The following LDB3 variants were observed in gnomAD, a reference collection of about 807,000 sequenced individuals.
LDB3 encodes the protein LIM domain binding 3, also known as LIM domain-binding protein 3.
A neutral mutation model predicts 69.0 loss-of-function variants in LDB3; 49 were observed. The ratio of observed to expected loss-of-function variants is 0.71; its 90% CI spans 0.56 to 0.90. LDB3 has a LOEUF of 0.90. LDB3 is among the 40% of genes least tolerant of loss of function. LDB3 has a pLI of 0.00. For synonymous variants in LDB3, 387 were observed against 396.2 expected, an observed-to-expected ratio of 0.98 and a Z score of 0.28; for missense variants, 928 against 974.1, an observed-to-expected ratio of 0.95 and a Z score of 0.63.
intron 10 of LDB3, 30 bp from the exon 11 acceptor site, chr10:86,717,934 C>T: frequency 1.9e-6 from 3 of 1,611,314 alleles, no homozygotes; most frequent in South Asian, 1.1e-5. Context: ...TGGGAGCTGC[C>T]TTACTGGGTG....
chr10:86,691,962 C>T lies in LDB3; in HGVS notation c.756C>T (p.Ser252=). Residue 252 remains serine, a synonymous_variant, in exon 6 of 14, where the codon AGC becomes AGT. Coordinates refer to ENST00000361373, the MANE Select transcript of LDB3 (RefSeq NM_007078.3). ...ASPVYQAVIK[S]QNKPEDEADE... ...CCGTCTACCAGGCTGTGATTAAGAGCCAGAACAAGCCAGAAGATGAGGCTG... is the reference window on the plus strand; with the variant it reads ...CCGTCTACCAGGCTGTGATTAAGAGTCAGAACAAGCCAGAAGATGAGGCTG... 1 of 1,614,164 alleles carries T rather than the reference C, an allele frequency of 6.2e-7. No homozygotes were observed. The highest frequency in any genetic ancestry group is 8.5e-7 in the Non-Finnish European group (1 of 1,180,038).
At chr10:86,674,319 G>A (rs11812963) in intron 2 of LDB3, among the ~76,000 whole-genome samples, 2,129 of 152,262 alleles carry the variant, frequency 0.014, 49 homozygotes, top group African/African-American at 0.049. Flanking sequence ...GGCTGGCACC[G>A]AAGTCAGGGG....
At chr10:86,711,005 T>G (rs1846631429) in intron 9 of LDB3, among the ~76,000 whole-genome samples, 1 of 152,148 alleles carries the variant, frequency 6.6e-6, no homozygotes, top group Non-Finnish European at 1.5e-5. Flanking sequence ...GGGGCAAGGA[T>G]AGACGGTTCT....
At chr10:86,710,402 C>A in intron 9 of LDB3, 1 of 281,796 alleles carries the variant, frequency 3.5e-6, no homozygotes, top group South Asian at 1.4e-4. Flanking sequence ...CCGCCGGGGC[C>A]AACATGGCGA....
chr10:86,682,326 CTT>C (rs1220975675), intron 5 of LDB3, among the ~76,000 whole-genome samples: 1 of 151,824 alleles, frequency 6.6e-6, no homozygotes, highest in Non-Finnish European at 1.5e-5. Flanking sequence ...TGGAGAGACT[CTT>C]TGGCAGTGGC....
intron 13 of LDB3, 43 bp from the exon 14 acceptor site, chr10:86,732,844 C>T (rs2132517727): frequency 6.7e-7 from 1 of 1,499,978 alleles, no homozygotes; most frequent in Non-Finnish European, 9.3e-7. Context: ...CTGCTCATGC[C>T]CTGTGCCACG....
At position 86,716,408 on chromosome 10, in the gene LDB3, C is replaced by T; in HGVS notation, c.1313C>T (p.Thr438Ile). The change falls in exon 10 of 14, where the codon ACC becomes ATC. Residue 438 changes from threonine (T) to isoleucine (I), a missense_variant. Coordinates refer to ENST00000361373, the MANE Select transcript of LDB3 (RefSeq NM_007078.3). The part of the protein sequence containing the change: ...PYTPSPAPAY[T>I]PSPAPAYTPS... ...ACCCCCTCCCCTGCCCCTGCCTACA[C>T]CCCCTCCCCTGCCCCTGCCTACACC... The T allele has an allele frequency of 6.5e-7, 1 of 1,539,582 alleles. No individual in the cohort carries two copies. Among genetic ancestry groups the T allele is most frequent in the Non-Finnish European group, 8.8e-7 (1 of 1,140,754 alleles).
chr10:86,678,338 C>A (rs1295237209), intron 2 of LDB3, among the ~76,000 whole-genome samples: 1 of 137,782 alleles, frequency 7.3e-6, no homozygotes, highest in Non-Finnish European at 1.5e-5. Flanking sequence ...CACCTGGCCA[C>A]CCTTTTTTTT....
At chr10:86,724,784 AT>A (rs1409531038) in intron 12 of LDB3, among the ~76,000 whole-genome samples, 1 of 152,158 alleles carries the variant, frequency 6.6e-6, no homozygotes, top group Non-Finnish European at 1.5e-5. Context: ...AAGAGCCAAC[AT>A]TTTTGAGTGT....
At chr10:86,669,129 C>T (rs1844320743) in intron 2 of LDB3, among the ~76,000 whole-genome samples, 1 of 152,128 alleles carries the variant, frequency 6.6e-6, no homozygotes, top group Admixed American at 6.5e-5. Flanking sequence ...CAGGGTGCCC[C>T]CAAGCCTTGA....
Position 86,681,695 on chromosome 10 carries a change from A to AATATAACAACCCCATTGGCCTG in LDB3, c.582_603dup (p.Tyr202IlefsTer2). ...CTGCCGGGCTCGAGCCAGCCGAGGC[A>AATATAACAACCCCATTGGCCTG]ATATAACAACCCCATTGGCCTGTAC... On this transcript the variant is annotated frameshift_variant, in exon 5 of 14. Transcript: ENST00000361373. LOFTEE classifies it high-confidence loss of function. The AATATAACAACCCCATTGGCCTG allele has an allele frequency of 6.2e-7, 1 of 1,613,658 alleles. No individual in the cohort carries two copies. Among genetic ancestry groups the AATATAACAACCCCATTGGCCTG allele is most frequent in the Non-Finnish European group, 8.5e-7 (1 of 1,179,906 alleles).
At chr10:86,726,392 G>A in intron 13 of LDB3, 140 bp downstream of exon 13, 1 of 710,742 alleles carries the variant, frequency 1.4e-6, no homozygotes, top group East Asian at 2.7e-5. Flanking sequence ...CAAACACCAT[G>A]ATGCCTCGAT....
upstream of LDB3, among the ~76,000 whole-genome samples, chr10:86,667,643 C>T (rs1175171630): frequency 6.6e-6 from 1 of 152,204 alleles, no homozygotes; most frequent in African/African-American, 2.4e-5. Flanking sequence ...CGGGGCCTGG[C>T]GTGTGGCACT....
At chr10:86,688,798 C>T (rs1356077777) in intron 5 of LDB3, among the ~76,000 whole-genome samples, 1 of 152,166 alleles carries the variant, frequency 6.6e-6, no homozygotes, top group African/African-American at 2.4e-5. Flanking sequence ...AAGAAATGCT[C>T]TTCACTAACT....
intron 7 of LDB3, 73 bp from the exon 8 acceptor site, chr10:86,706,458 C>T (rs1846444597): frequency 2.6e-6 from 4 of 1,520,306 alleles, no homozygotes; most frequent in Admixed American, 1.7e-5. Flanking sequence ...CAGCCACCTG[C>T]CCCCATGCAG....
At chr10:86,697,215 CTTTTTT>C (rs34215720) in intron 7 of LDB3, among the ~76,000 whole-genome samples, 2 of 77,804 alleles carry the variant, frequency 2.6e-5, no homozygotes, top group African/African-American at 5.2e-5. Context: ...TAGCAATTCA[CTTTTTT>C]TTTTTTTTTT....
rs1847237615 is a variant in LDB3 at position 86,725,993 on chromosome 10, T to TA, written c.1979-142dup. The TA allele has an allele frequency of 4.4e-6, 3 of 682,424 alleles. No homozygotes were observed. In the South Asian group the frequency reaches 4.7e-5, roughly 11 times the overall value. The allele number at this position is 682,424 out of a possible 1,614,324, so 42.3% of individuals were successfully genotyped here. A position where few individuals can be genotyped will look rare whatever the true frequency, so the allele number is the denominator to read the frequency against. On this transcript the variant is annotated intron_variant, in intron 12 of 13. Transcript: ENST00000361373. ...GGAAAATGGAAAACTATCAGTCATG[T>TA]AACTGAGTATTTCATCTGTGAGATG...
chr10:86,685,150 G>T (rs968368992), intron 5 of LDB3, among the ~76,000 whole-genome samples: 5 of 152,240 alleles, frequency 3.3e-5, no homozygotes, highest in South Asian at 4.1e-4. Context: ...GGTTTGGGGG[G>T]GCATAGGAAA....
At chr10:86,713,170 G>A (rs186600104) in intron 9 of LDB3, among the ~76,000 whole-genome samples, 2 of 152,114 alleles carry the variant, frequency 1.3e-5, no homozygotes, top group Admixed American at 1.3e-4. Flanking sequence ...CTTCTTGGTC[G>A]GACTAGCCAC....
Sources: gnomAD v4.1 joint callset for allele counts (sites outside exome capture counted in the v4.1 genomes callset) on GRCh38, gnomAD v4.1.1 for gene constraint, MANE v1.5 for transcripts, NCBI Gene and HGNC (gene_info 2026-07-23, HGNC 2026-07-21) for gene names.